FRMD4B: variants seen among roughly 807,000 people sequenced by gnomAD.
FRMD4B encodes the protein FERM domain-containing protein 4B.
FRMD4B carries 74 observed loss-of-function variants against 141.5 expected under a neutral mutation model. That is an observed-to-expected ratio of 0.52 (90% confidence interval 0.43 to 0.63). The LOEUF is 0.63. Ranked by LOEUF, FRMD4B falls within the 30% of genes least tolerant of loss-of-function variation. The pLI is 0.00. For missense variants in FRMD4B, 1,366 were observed against 1,253.4 expected, an observed-to-expected ratio of 1.09 and a Z score of -1.36; for synonymous variants, 506 against 467.9, an observed-to-expected ratio of 1.08 and a Z score of -1.05.
intron 1 of FRMD4B, among the ~76,000 whole-genome samples, chr3:69,443,919 T>C (rs1705374232): frequency 6.6e-6 from 1 of 152,214 alleles, no homozygotes; most frequent in African/African-American, 2.4e-5. Flanking sequence ...GATCTGTAAC[T>C]TCCCCAATTA....
At chr3:69,209,252 G>A (rs574717206) in intron 11 of FRMD4B, among the ~76,000 whole-genome samples, 130 of 151,662 alleles carry the variant, frequency 8.6e-4, no homozygotes, top group Non-Finnish European at 1.4e-3. Flanking sequence ...CTTTCCAAAT[G>A]ACAGAGGAGC....
intron 7 of FRMD4B, among the ~76,000 whole-genome samples, chr3:69,233,768 A>G (rs1288846054): frequency 6.6e-6 from 1 of 152,156 alleles, no homozygotes; most frequent in Non-Finnish European, 1.5e-5. Flanking sequence ...CAGGCAAACC[A>G]AAGATTTACT....
intron 18 of FRMD4B, 61 bp from the exon 19 acceptor site, chr3:69,187,978 T>A: frequency 2.3e-6 from 2 of 874,918 alleles, no homozygotes; most frequent in Non-Finnish European, 3.7e-6. Context: ...TAAATAAATA[T>A]CTTGCCAATA....
chr3:69,222,835 C>G (rs2093210163), intron 8 of FRMD4B, among the ~76,000 whole-genome samples: 1 of 152,166 alleles, frequency 6.6e-6, no homozygotes, highest in African/African-American at 2.4e-5. Flanking sequence ...GGGAAATGAT[C>G]TTTTGCCATA....
At chr3:69,453,402 T>C (rs773438593) in intron 1 of FRMD4B, among the ~76,000 whole-genome samples, 2 of 152,224 alleles carry the variant, frequency 1.3e-5, no homozygotes, top group African/African-American at 2.4e-5. Context: ...CCTGGTACCC[T>C]CTGACTTGGC....
At chr3:69,500,978 C>T (rs909589199) in intron 1 of FRMD4B, among the ~76,000 whole-genome samples, 2 of 152,096 alleles carry the variant, frequency 1.3e-5, no homozygotes, top group Admixed American at 6.6e-5. Flanking sequence ...AAAAAGAAGG[C>T]CAACTTTGTA....
At position 69,377,707 on chromosome 3, in the gene FRMD4B, C is replaced by T. The variant is rs1016811367; in HGVS notation, c.162+8121G>A. 6.6e-5 allele frequency among the ~76,000 whole-genome samples: 10 copies of T among 152,132 alleles called. No individual in the cohort carries two copies. In the South Asian group the frequency reaches 1.9e-3, roughly 28 times the overall value. The stretch of plus-strand genomic sequence containing the variant: ...AGAAGACCTACCCCTCTCGTAACAA[C>T]CTGGGACAACTCTCAGCTTCAGAGC... On this transcript the variant is annotated intron_variant, in intron 1 of 22. Coordinates refer to ENST00000398540, the MANE Select transcript of FRMD4B (RefSeq NM_015123.3).
intron 4 of FRMD4B, among the ~76,000 whole-genome samples, chr3:69,289,105 G>A (rs745416633): frequency 2.0e-5 from 3 of 152,192 alleles, no homozygotes; most frequent in Non-Finnish European, 2.9e-5. Flanking sequence ...AGATTTATGA[G>A]AAGAGAAAGT....
chr3:69,422,685 G>A (rs142492987), intron 2 of FRMD4B, among the ~76,000 whole-genome samples: 2 of 152,088 alleles, frequency 1.3e-5, no homozygotes, highest in Admixed American at 6.6e-5. Flanking sequence ...AAGCAAATGC[G>A]CATGGCTTTG....
At chr3:69,387,116 T>C (rs1704276446), upstream of FRMD4B, among the ~76,000 whole-genome samples, 1 of 152,176 alleles carries the variant, frequency 6.6e-6, no homozygotes, top group Non-Finnish European at 1.5e-5. Flanking sequence ...TCAAGGAGTC[T>C]CGCCTACCAC....
At chr3:69,199,133 G>A (rs905228869) in intron 11 of FRMD4B, 13 of 190,516 alleles carry the variant, frequency 6.8e-5, no homozygotes, top group African/African-American at 2.1e-4. Flanking sequence ...TTAGCCGGGC[G>A]TGCTGGTGGG....
At chr3:69,277,516 C>CGTTT (rs1464461463) in intron 5 of FRMD4B, among the ~76,000 whole-genome samples, 1 of 60,438 alleles carries the variant, frequency 1.7e-5, no homozygotes, top group African/African-American at 7.2e-5. Context: ...TTTCTTTCTG[C>CGTTT]TTTTTTTTTT....
At chr3:69,447,054 A>T (rs545824906) in intron 1 of FRMD4B, among the ~76,000 whole-genome samples, 1 of 152,218 alleles carries the variant, frequency 6.6e-6, no homozygotes, top group East Asian at 1.9e-4. Context: ...GGCATTCAGT[A>T]TAGGGGTGGT....
intron 7 of FRMD4B, among the ~76,000 whole-genome samples, chr3:69,241,494 A>G (rs536606811): frequency 6.6e-6 from 1 of 152,354 alleles, no homozygotes; most frequent in Non-Finnish European, 1.5e-5. Flanking sequence ...TGATTCATCA[A>G]AGGCCCGACC....
chr3:69,369,153 G>C (rs1703754068), intron 1 of FRMD4B, among the ~76,000 whole-genome samples: 1 of 152,170 alleles, frequency 6.6e-6, no homozygotes, highest in Admixed American at 6.5e-5. Flanking sequence ...TGGAAAAAAA[G>C]CGAAAGCTAT....
intron 5 of FRMD4B, among the ~76,000 whole-genome samples, chr3:69,276,184 A>G (rs1313482651): frequency 1.3e-5 from 2 of 152,188 alleles, no homozygotes; most frequent in Non-Finnish European, 2.9e-5. Context: ...ATGATGTAAA[A>G]TATGTTTTTA....
At chr3:69,486,408 T>C (rs1575587788) in intron 1 of FRMD4B, among the ~76,000 whole-genome samples, 1 of 150,106 alleles carries the variant, frequency 6.7e-6, no homozygotes, top group Middle Eastern at 3.4e-3. Context: ...GTCCATCGTA[T>C]CTTTCTTATG....
At chr3:69,175,403 A>G (rs2092633443) in intron 22 of FRMD4B, among the ~76,000 whole-genome samples, 1 of 152,352 alleles carries the variant, frequency 6.6e-6, no homozygotes, top group Admixed American at 6.5e-5. Flanking sequence ...AATTTTTTAA[A>G]AAATCAGTTT....
chr3:69,401,127 C>A (rs1367023584), intron 2 of FRMD4B, among the ~76,000 whole-genome samples: 1 of 152,168 alleles, frequency 6.6e-6, no homozygotes, highest in Non-Finnish European at 1.5e-5. Context: ...ATGTTTACAT[C>A]ATAAAGCACA....
Sources: allele counts gnomAD v4.1 joint callset (sites outside exome capture counted in the v4.1 genomes callset), GRCh38; gene constraint gnomAD v4.1.1; transcripts MANE v1.5; gene names NCBI Gene and HGNC (gene_info 2026-07-23, HGNC 2026-07-21).